Variants in ALK observed in about 807,000 individuals in gnomAD.
The protein encoded by ALK is ALK receptor tyrosine kinase, also known as ALK tyrosine kinase receptor.
ALK carries 74 observed loss-of-function variants against 163.1 expected under a neutral mutation model. The ratio of observed to expected loss-of-function variants is 0.45; its 90% CI spans 0.38 to 0.55. The LOEUF is 0.55. Among genes scored for constraint, ALK ranks in the 20% least tolerant of loss-of-function variants. ALK has a pLI of 0.00. For missense variants in ALK, 2,063 were observed against 2,105.3 expected (o/e 0.98, Z 0.39); for synonymous variants, 960 against 843.2 (o/e 1.14, Z -2.40).
intron 4 of ALK, among the ~76,000 whole-genome samples, chr2:29,521,546 C>G (rs373663627): frequency 3.3e-5 from 5 of 152,318 alleles, no homozygotes; most frequent in East Asian, 3.9e-4. Flanking sequence ...TAAGAGAATG[C>G]ATTTCTGTAA....
chr2:29,461,452 G>C (rs1253739182), intron 4 of ALK, among the ~76,000 whole-genome samples: 1 of 152,166 alleles, frequency 6.6e-6, no homozygotes, highest in African/African-American at 2.4e-5. Flanking sequence ...TTTGTTAAGG[G>C]CAAATGCAGC....
At chr2:29,414,017 T>C (rs1427279905) in intron 4 of ALK, among the ~76,000 whole-genome samples, 1 of 152,246 alleles carries the variant, frequency 6.6e-6, no homozygotes, top group Non-Finnish European at 1.5e-5. Context: ...GTATGTGCTA[T>C]ACTTTTATCC....
intron 3 of ALK, among the ~76,000 whole-genome samples, chr2:29,691,362 T>C (rs1259377954): frequency 6.6e-6 from 1 of 152,192 alleles, no homozygotes; most frequent in Non-Finnish European, 1.5e-5. Context: ...TTAAGTTATG[T>C]TTGGATGTGT....
chr2:29,597,709 G>A (rs1227550910), intron 3 of ALK, among the ~76,000 whole-genome samples: 1 of 152,182 alleles, frequency 6.6e-6, no homozygotes, highest in Non-Finnish European at 1.5e-5. Flanking sequence ...GTTTTAATAT[G>A]TACAGCTGCT....
At chr2:29,789,612 T>C (rs546965974) in intron 1 of ALK, among the ~76,000 whole-genome samples, 16 of 152,268 alleles carry the variant, frequency 1.1e-4, no homozygotes, top group African/African-American at 3.1e-4. Flanking sequence ...TAAACCAAAC[T>C]GTATGGTGGA....
intron 3 of ALK, among the ~76,000 whole-genome samples, chr2:29,685,981 C>G (rs1023840101): frequency 2.0e-5 from 3 of 152,192 alleles, no homozygotes; most frequent in Non-Finnish European, 2.9e-5. Context: ...TCTTCACATT[C>G]CTTCTCTGAC....
At chr2:29,610,264 AT>A in intron 3 of ALK, among the ~76,000 whole-genome samples, 1 of 152,284 alleles carries the variant, frequency 6.6e-6, no homozygotes, top group South Asian at 2.1e-4. Context: ...AGGCATATGG[AT>A]GGCTGATGAC....
At chr2:29,529,461 C>T (rs1446967719) in intron 4 of ALK, among the ~76,000 whole-genome samples, 1 of 152,206 alleles carries the variant, frequency 6.6e-6, no homozygotes, top group Non-Finnish European at 1.5e-5. Context: ...ACAGAGCAAG[C>T]TTTCGGCAAG....
At chr2:29,579,788 A>C (rs1323427118) in intron 3 of ALK, among the ~76,000 whole-genome samples, 2 of 152,188 alleles carry the variant, frequency 1.3e-5, no homozygotes, top group Admixed American at 1.3e-4. Context: ...AGTCTTGACG[A>C]AGCTGGGCAC....
At position 29,193,719 on chromosome 2, in the gene ALK, G is replaced by C. The variant is rs2148138560; in HGVS notation, c.4368C>G (p.Pro1456=). ...TTSSGKAAKK[P]TAAEISVRVP... is the part of the protein sequence containing the mutation. The stretch of plus-strand genomic sequence containing the variant: ...CTCGAACAGAGATCTCTGCAGCTGT[G>C]GGTTTCTTTGCAGCCTTGCCAGAGG... Residue 1456 remains proline, a synonymous_variant, in exon 29 of 29, where the codon CCC becomes CCG. Transcript: ENST00000389048. 6.2e-7 allele frequency: 1 copy of C among 1,607,470 alleles called. No homozygotes were observed. The highest frequency in any genetic ancestry group is 1.1e-5 in the South Asian group (1 of 90,618).
chr2:29,588,881 G>C (rs1299521980), intron 3 of ALK, among the ~76,000 whole-genome samples: 6 of 152,194 alleles, frequency 3.9e-5, no homozygotes, highest in African/African-American at 1.4e-4. Flanking sequence ...TTGCGGGCCA[G>C]ACAAGGCCTG....
chr2:29,682,132 G>T (rs766605654), intron 3 of ALK, among the ~76,000 whole-genome samples: 2 of 152,302 alleles, frequency 1.3e-5, no homozygotes, highest in African/African-American at 2.4e-5. Flanking sequence ...CAGAGTTGTT[G>T]ATGGGAAGAA....
chr2:29,383,462 G>A (rs1301329408), intron 5 of ALK, among the ~76,000 whole-genome samples: 3 of 151,980 alleles, frequency 2.0e-5, no homozygotes, highest in Non-Finnish European at 2.9e-5. Context: ...GATTACAGAC[G>A]CACATCACCA....
At position 29,220,694 on chromosome 2, in the gene ALK, G is replaced by T; in HGVS notation, c.3645+12C>A. 6.2e-7 allele frequency: 1 copy of T among 1,613,326 alleles called. No homozygotes were observed. Among genetic ancestry groups the T allele is most frequent in the South Asian group, 1.1e-5 (1 of 91,014 alleles). ...GGCACAACAACTGCAGCAAAGACTG[G>T]TTCTCACTCACCGGGCGAGGGCGGG... is the stretch of plus-strand genomic sequence containing the variant. On this transcript the variant is annotated intron_variant, in intron 23 of 28. Transcript: ENST00000389048.
intron 5 of ALK, among the ~76,000 whole-genome samples, chr2:29,339,407 C>T (rs992060722): frequency 3.3e-5 from 5 of 152,010 alleles, no homozygotes; most frequent in East Asian, 1.9e-4. Context: ...GAGGCCAGTA[C>T]GTCTCAAGAG....
At chr2:29,914,778 A>G (rs1336747590) in intron 1 of ALK, among the ~76,000 whole-genome samples, 1 of 152,164 alleles carries the variant, frequency 6.6e-6, no homozygotes, top group South Asian at 2.1e-4. Flanking sequence ...TTTTTCACCT[A>G]TTGACATGTC....
At position 29,356,081 on chromosome 2, in the gene ALK, C is replaced by A. The variant is rs530843540; in HGVS notation, c.1283-27600G>T. ...TGTTAGACACCTGCCCAAGGCCCCT[C>A]GAGGTCCAAGGAGCCTGCATGGGAG... On this transcript the variant is annotated intron_variant, in intron 5 of 28. Transcript: ENST00000389048. 4.6e-5 allele frequency among the ~76,000 whole-genome samples: 7 copies of A among 152,158 alleles called. 1 individual carries two copies. The South Asian group carries it at 1.2e-3, about 27-fold the overall frequency.
chr2:29,665,262 C>T (rs1409652023), intron 3 of ALK, among the ~76,000 whole-genome samples: 4 of 152,082 alleles, frequency 2.6e-5, no homozygotes, highest in African/African-American at 9.7e-5. Context: ...GTTGGGAATA[C>T]AGGCGTGAAC....
At chr2:29,802,625 A>T (rs1228654262) in intron 1 of ALK, among the ~76,000 whole-genome samples, 2 of 146,848 alleles carry the variant, frequency 1.4e-5, no homozygotes, top group Non-Finnish European at 3.0e-5. Flanking sequence ...GCCAAATCCC[A>T]AATCTATATT....
Sources: allele counts gnomAD v4.1 joint callset (sites outside exome capture counted in the v4.1 genomes callset), GRCh38; gene constraint gnomAD v4.1.1; transcripts MANE v1.5; gene names NCBI Gene and HGNC (gene_info 2026-07-23, HGNC 2026-07-21).